Variants in LAMP3 observed in about 807,000 individuals in gnomAD.
LAMP3 encodes lysosome-associated membrane glycoprotein 3.
Under a neutral mutation model 34.8 loss-of-function variants are expected in LAMP3, and 26 were observed. That is an observed-to-expected ratio of 0.75 (90% CI 0.55 to 1.04). LAMP3 has a LOEUF of 1.04. Ranked by LOEUF, LAMP3 falls within the 50% of genes least tolerant of loss-of-function variation. The pLI, the probability that LAMP3 is intolerant of heterozygous loss-of-function variation, is 0.00. For missense variants in LAMP3, 495 were observed against 524.0 expected (o/e 0.94, Z 0.54); for synonymous variants, 180 against 201.9 (o/e 0.89, Z 0.92).
At chr3:183,152,947 C>T (rs1007388558) in intron 2 of LAMP3, among the ~76,000 whole-genome samples, 4 of 152,022 alleles carry the variant, frequency 2.6e-5, no homozygotes, top group African/African-American at 4.8e-5. Flanking sequence ...GAGGCCAAGG[C>T]GGGCAGATCA....
chr3:183,129,879 A>C (rs1353943998), intron 5 of LAMP3, among the ~76,000 whole-genome samples: 2 of 152,222 alleles, frequency 1.3e-5, no homozygotes, highest in Non-Finnish European at 2.9e-5. Flanking sequence ...TCAGTAAGTT[A>C]AAATGAGGTC....
chr3:183,151,675 G>A (rs571917116), intron 3 of LAMP3, among the ~76,000 whole-genome samples: 21 of 151,938 alleles, frequency 1.4e-4, no homozygotes, highest in East Asian at 5.8e-4. Flanking sequence ...TGATCTGCCC[G>A]CCTCAGCCTC....
intron 4 of LAMP3, among the ~76,000 whole-genome samples, chr3:183,137,668 C>A (rs1720140990): frequency 6.6e-6 from 1 of 152,218 alleles, no homozygotes; most frequent in Non-Finnish European, 1.5e-5. Context: ...GTAATTACAA[C>A]TGATTACTAT....
At chr3:183,158,636 T>C (rs1203780748) in intron 1 of LAMP3, among the ~76,000 whole-genome samples, 2 of 152,114 alleles carry the variant, frequency 1.3e-5, no homozygotes, top group Non-Finnish European at 1.5e-5. Flanking sequence ...GGGTGTGAGA[T>C]GAGTCATTGC....
chr3:183,159,444 G>A (rs1026808846), intron 1 of LAMP3, among the ~76,000 whole-genome samples: 2 of 152,198 alleles, frequency 1.3e-5, no homozygotes, highest in African/African-American at 4.8e-5. Flanking sequence ...AGCAGGCCTG[G>A]CAGGCCTTGG....
chr3:183,145,377 A>G (rs1264137329), intron 3 of LAMP3, among the ~76,000 whole-genome samples: 1 of 152,200 alleles, frequency 6.6e-6, no homozygotes, highest in African/African-American at 2.4e-5. Flanking sequence ...CTCTCATGGC[A>G]GCCCAGCAAA....
At chr3:183,133,800 G>A (rs1210699144) in intron 5 of LAMP3, among the ~76,000 whole-genome samples, 1 of 152,196 alleles carries the variant, frequency 6.6e-6, no homozygotes, top group Non-Finnish European at 1.5e-5. Flanking sequence ...TTTTAGGGAG[G>A]AGGAGATTTT....
At chr3:183,140,702 G>A in intron 3 of LAMP3, 107 bp from the exon 4 acceptor site, 1 of 740,478 alleles carries the variant, frequency 1.4e-6, no homozygotes, top group Non-Finnish European at 2.4e-6. Flanking sequence ...TGGATATAAG[G>A]GCTGGGGAGT....
rs928196343 is a variant in LAMP3, at chr3:183,160,086, T to C, written c.49+2521A>G. On this transcript the variant is annotated intron_variant, in intron 1 of 5. Coordinates refer to ENST00000265598, the MANE Select transcript of LAMP3 (RefSeq NM_014398.4). ...GAATTTCTCTGGACATGTTTTCACA[T>C]GAAAGAGTAACAAGCAACTATCTTG... Among the ~76,000 whole-genome samples the C allele has an allele frequency of 2.0e-5, 3 of 152,362 alleles. No homozygotes were observed. In the East Asian group the frequency reaches 5.8e-4, roughly 29 times the overall value.
At chr3:183,146,762 A>G (rs960218798) in intron 3 of LAMP3, among the ~76,000 whole-genome samples, 1 of 151,942 alleles carries the variant, frequency 6.6e-6, no homozygotes, top group Non-Finnish European at 1.5e-5. Context: ...TCTTGGCCTC[A>G]GGTGATCCAC....
intron 4 of LAMP3, 91 bp downstream of exon 4, chr3:183,140,447 C>G: frequency 2.3e-6 from 1 of 432,410 alleles, no homozygotes; most frequent in Non-Finnish European, 4.2e-6. Context: ...AAAGCAGCAT[C>G]AAACATGAGA....
rs551897452 is a variant in LAMP3 at position 183,130,376 on chromosome 3, T to C, written c.1117+5341A>G. On this transcript the variant is annotated intron_variant, in intron 5 of 5. Transcript: ENST00000265598. ...GGTTTCACTATGTTAGCTAGGATGG[T>C]CTCGATCTCCTGACCTCATGATCCG... Among the ~76,000 whole-genome samples, 53 of 152,130 alleles carry C rather than the reference T, an allele frequency of 3.5e-4. No homozygotes were observed. In the Middle Eastern group the frequency reaches 0.017, roughly 49 times the overall value.
At chr3:183,150,643 A>G (rs564468) in intron 3 of LAMP3, among the ~76,000 whole-genome samples, 130,311 of 148,242 alleles carry the variant, frequency 0.88, 57,318 homozygotes, top group Middle Eastern at 0.92. Context: ...AACCTCCTGG[A>G]CTCAAGCAAT....
At chr3:183,132,743 C>T in intron 5 of LAMP3, 1 of 985,440 alleles carries the variant, frequency 1.0e-6, no homozygotes. Flanking sequence ...CAGGTCAATC[C>T]TTTCACTTCA....
At chr3:183,134,607 A>G (rs1433190505) in intron 5 of LAMP3, among the ~76,000 whole-genome samples, 2 of 152,004 alleles carry the variant, frequency 1.3e-5, no homozygotes. Flanking sequence ...GCCAACCTCT[A>G]CTGGCAAATT....
chr3:183,141,341 C>T (rs1720277933), intron 3 of LAMP3, among the ~76,000 whole-genome samples: 1 of 152,082 alleles, frequency 6.6e-6, no homozygotes, highest in African/African-American at 2.4e-5. Flanking sequence ...TCCAGAAAAA[C>T]AAAAACAAAC....
intron 1 of LAMP3, among the ~76,000 whole-genome samples, chr3:183,160,517 C>T (rs1467351761): frequency 6.6e-6 from 1 of 152,202 alleles, no homozygotes; most frequent in East Asian, 1.9e-4. Flanking sequence ...GTGTGAGTCA[C>T]TGTGCCCAGC....
At chr3:183,155,487 G>A (rs1720797170) in intron 1 of LAMP3, among the ~76,000 whole-genome samples, 1 of 152,134 alleles carries the variant, frequency 6.6e-6, no homozygotes, top group African/African-American at 2.4e-5. Flanking sequence ...GGCTTTCATG[G>A]CAGCTCCTCA....
At chr3:183,139,609 A>G (rs541079538) in intron 4 of LAMP3, among the ~76,000 whole-genome samples, 18 of 152,312 alleles carry the variant, frequency 1.2e-4, no homozygotes, top group African/African-American at 4.3e-4. Context: ...AACAATAACT[A>G]ATGATAACAT....
Sources: allele counts gnomAD v4.1 joint callset (sites outside exome capture counted in the v4.1 genomes callset), GRCh38; gene constraint gnomAD v4.1.1; transcripts MANE v1.5; gene names NCBI Gene and HGNC (gene_info 2026-07-23, HGNC 2026-07-21).